The following SHISA9 variants were observed in gnomAD, a reference collection of about 807,000 sequenced individuals.
SHISA9 encodes the protein shisa family member 9.
SHISA9 carries 13 observed loss-of-function variants against 38.0 expected under a neutral mutation model. That is an observed-to-expected ratio of 0.34 (90% confidence interval 0.22 to 0.54). The LOEUF (loss-of-function observed/expected upper bound fraction) is 0.54, where lower values mean the gene tolerates loss of function less well. Among genes scored for constraint, SHISA9 ranks in the 20% least tolerant of loss-of-function variants. SHISA9 has a pLI of 0.91. For synonymous variants in SHISA9, 275 were observed against 242.0 expected, an observed-to-expected ratio of 1.14 and a Z score of -1.27; for missense variants, 538 against 575.8, an observed-to-expected ratio of 0.93 and a Z score of 0.67.
In SHISA9 at chr16:13,200,442, A is replaced by ACACACACAC. The variant is rs1555470817; in HGVS notation, c.692-2952_692-2951insCACACACAC. On this transcript the variant is annotated intron_variant, in intron 2 of 4. Transcript: ENST00000558583. ...CACACACACACACACACACACACACAGCAGCAGCAGCAGCAGCAGCAGCAT... is the reference window on the plus strand; with the variant it reads ...CACACACACACACACACACACACACACACACACACGCAGCAGCAGCAGCAGCAGCAGCAT... 5.7e-3 allele frequency among the ~76,000 whole-genome samples: 756 copies of ACACACACAC among 132,268 alleles called. 7 individuals carry two copies. The highest frequency in any genetic ancestry group is 0.019 in the African/African-American group (663 of 34,464). 86.8% of individuals were successfully genotyped at this position (132,268 alleles called of 152,430 possible).
chr16:13,469,606 C>T, the SHISA9 span, among the ~76,000 whole-genome samples: 2 of 152,168 alleles, frequency 1.3e-5, no homozygotes, highest in African/African-American at 4.8e-5. Flanking sequence ...TGTTCTCAAA[C>T]CTTCTCCCAC....
intron 2 of SHISA9, among the ~76,000 whole-genome samples, chr16:13,073,316 C>T (rs372468811): frequency 2.0e-5 from 3 of 149,080 alleles, no homozygotes; most frequent in African/African-American, 5.0e-5. Flanking sequence ...ATCAGGTGGT[C>T]GAGGATGAAA....
intron 2 of SHISA9, among the ~76,000 whole-genome samples, chr16:13,173,319 A>G (rs927366926): frequency 6.6e-6 from 1 of 151,128 alleles, no homozygotes; most frequent in African/African-American, 2.4e-5. Flanking sequence ...GCTTTGATAT[A>G]TATATATCCT....
At chr16:13,561,795 T>A in the SHISA9 span, among the ~76,000 whole-genome samples, 7 of 152,094 alleles carry the variant, frequency 4.6e-5, no homozygotes, top group Admixed American at 6.5e-5. Flanking sequence ...TGTTAAATTA[T>A]GTGTAGGAAT....
At chr16:13,178,862 T>C (rs1331150517) in intron 2 of SHISA9, among the ~76,000 whole-genome samples, 1 of 152,082 alleles carries the variant, frequency 6.6e-6, no homozygotes, top group Non-Finnish European at 1.5e-5. Flanking sequence ...TTGTTGTTGT[T>C]GTTTGTTTTT....
chr16:13,432,964 T>C, the SHISA9 span, among the ~76,000 whole-genome samples: 3 of 152,174 alleles, frequency 2.0e-5, no homozygotes, highest in East Asian at 5.8e-4. Context: ...AACTAATGGG[T>C]ACTAGGCTTA....
At chr16:13,315,380 G>A in the SHISA9 span, among the ~76,000 whole-genome samples, 1 of 152,222 alleles carries the variant, frequency 6.6e-6, no homozygotes, top group Non-Finnish European at 1.5e-5. Flanking sequence ...CTTAGTAAGA[G>A]GAAGCTGTCA....
chr16:12,948,934 G>A (rs917719669), intron 2 of SHISA9, among the ~76,000 whole-genome samples: 1 of 152,022 alleles, frequency 6.6e-6, no homozygotes, highest in African/African-American at 2.4e-5. Context: ...ATATACCTTT[G>A]TAATATAATT....
chr16:13,020,383 C>T (rs186943649), intron 2 of SHISA9, among the ~76,000 whole-genome samples: 30 of 152,174 alleles, frequency 2.0e-4, no homozygotes, highest in African/African-American at 5.5e-4. Context: ...CCAAAAGGCT[C>T]CAGTGTGTGT....
the SHISA9 span, among the ~76,000 whole-genome samples, chr16:13,514,005 AT>A: frequency 0.42 from 63,507 of 151,610 alleles, 13,462 homozygotes; most frequent in East Asian, 0.53. Context: ...AAAATAAAAT[AT>A]TTTTTTTTAA....
chr16:12,937,673 G>A (rs866624537), intron 2 of SHISA9, among the ~76,000 whole-genome samples: 11 of 152,152 alleles, frequency 7.2e-5, no homozygotes, highest in African/African-American at 2.7e-4. Context: ...AGAGCACTCT[G>A]GTGTTTCTTC....
chr16:12,909,101 G>C (rs565919737), intron 1 of SHISA9: 3 of 988,742 alleles, frequency 3.0e-6, no homozygotes, highest in Admixed American at 5.9e-5. Flanking sequence ...CCAGGCTGGA[G>C]AAGTCCATGT....
chr16:13,354,895 T>A, the SHISA9 span, among the ~76,000 whole-genome samples: 813 of 152,154 alleles, frequency 5.3e-3, 9 homozygotes, highest in African/African-American at 0.018. Context: ...GGAAAAAATT[T>A]GGGCTTGATT....
At chr16:13,218,145 C>T (rs1476971982) in intron 4 of SHISA9, among the ~76,000 whole-genome samples, 4 of 152,108 alleles carry the variant, frequency 2.6e-5, no homozygotes, top group East Asian at 3.9e-4. Flanking sequence ...TTCCTAAAAC[C>T]GCAAAAGAAA....
intron 2 of SHISA9, among the ~76,000 whole-genome samples, chr16:13,111,879 T>C (rs2073981814): frequency 6.6e-6 from 1 of 152,204 alleles, no homozygotes; most frequent in Non-Finnish European, 1.5e-5. Context: ...AGTTATCATC[T>C]GTTGAGGCAG....
intron 4 of SHISA9, among the ~76,000 whole-genome samples, chr16:13,223,239 C>A (rs1029253858): frequency 6.6e-6 from 1 of 151,924 alleles, no homozygotes; most frequent in African/African-American, 2.4e-5. Flanking sequence ...CAGGCCTGGA[C>A]AACATAGTGA....
the SHISA9 span, among the ~76,000 whole-genome samples, chr16:13,460,582 A>G: frequency 6.6e-6 from 1 of 152,250 alleles, no homozygotes; most frequent in Non-Finnish European, 1.5e-5. Flanking sequence ...GGACAACCAC[A>G]GTGCCTGTCA....
chr16:12,971,467 C>A (rs902448851), intron 2 of SHISA9, among the ~76,000 whole-genome samples: 1 of 152,198 alleles, frequency 6.6e-6, no homozygotes, highest in Non-Finnish European at 1.5e-5. Context: ...GGTCTTCCCA[C>A]GAAGGATGAG....
At chr16:12,952,615 T>A (rs2071773802) in intron 2 of SHISA9, among the ~76,000 whole-genome samples, 1 of 152,178 alleles carries the variant, frequency 6.6e-6, no homozygotes, top group Non-Finnish European at 1.5e-5. Context: ...GGGGGTGGTT[T>A]CCTCTATGCT....
Sources: gnomAD v4.1 joint callset for allele counts (sites outside exome capture counted in the v4.1 genomes callset) on GRCh38, gnomAD v4.1.1 for gene constraint, MANE v1.5 for transcripts, NCBI Gene and HGNC (gene_info 2026-07-23, HGNC 2026-07-21) for gene names.